The following WASHC2C variants were observed in gnomAD, a reference collection of about 807,000 sequenced individuals.
The protein encoded by WASHC2C is WASH complex subunit 2C.
In WASHC2C, 73 loss-of-function variants were observed where a neutral mutation model predicts 142.2. The observed-to-expected ratio is 0.51, with a 90% CI of 0.43 to 0.62. The LOEUF is 0.62. Ranked by LOEUF, WASHC2C falls within the 20% of genes least tolerant of loss-of-function variation. The pLI is 0.00. For synonymous variants in WASHC2C, 337 were observed against 565.5 expected (o/e 0.60, Z 5.73); for missense variants, 969 against 1,531.7 (o/e 0.63, Z 6.13).
At chr10:45,764,071 A>G (rs1204897378) in intron 18 of WASHC2C, among the ~76,000 whole-genome samples, 40 of 151,426 alleles carry the variant, frequency 2.6e-4, no homozygotes, top group Admixed American at 6.6e-4. Flanking sequence ...GAGAAATACA[A>G]TTGACCCTTT....
At chr10:45,765,253 C>T (rs1254551594) in intron 18 of WASHC2C, among the ~76,000 whole-genome samples, 4 of 149,834 alleles carry the variant, frequency 2.7e-5, no homozygotes, top group Non-Finnish European at 5.9e-5. Flanking sequence ...CCCCAGTTCT[C>T]TCCTTTCAGC....
intron 21 of WASHC2C, among the ~76,000 whole-genome samples, chr10:45,773,985 C>T (rs1445987994): frequency 6.9e-5 from 10 of 144,082 alleles, no homozygotes; most frequent in Non-Finnish European, 9.0e-5. Flanking sequence ...GCCTGGAAAC[C>T]GGCCTGAAAG....
At chr10:45,727,979 G>A (rs2050092679) in intron 2 of WASHC2C, among the ~76,000 whole-genome samples, 1 of 152,242 alleles carries the variant, frequency 6.6e-6, no homozygotes. Flanking sequence ...GAATAAGAGT[G>A]GTGGTTGATT....
At chr10:45,783,940 A>G (rs2057716729) in intron 23 of WASHC2C, among the ~76,000 whole-genome samples, 1 of 152,106 alleles carries the variant, frequency 6.6e-6, no homozygotes, top group Admixed American at 6.6e-5. Flanking sequence ...AGTGATGGAC[A>G]GCCATAGGAA....
chr10:45,790,609 C>T (rs2058339245), intron 30 of WASHC2C, 76 bp downstream of exon 30: 1 of 1,611,184 alleles, frequency 6.2e-7, no homozygotes, highest in African/African-American at 1.3e-5. Flanking sequence ...GCTACCTTTT[C>T]TTGGCCCTTT....
chr10:45,769,388 G>C (rs2056336566), intron 19 of WASHC2C, 61 bp from the exon 20 acceptor site: 13 of 1,502,268 alleles, frequency 8.7e-6, no homozygotes, highest in Non-Finnish European at 1.2e-5. Flanking sequence ...AAAGTGCTGG[G>C]ATTATAGGTA....
chr10:45,735,997 A>C (rs571214804), intron 3 of WASHC2C, among the ~76,000 whole-genome samples: 3 of 152,170 alleles, frequency 2.0e-5, no homozygotes, highest in African/African-American at 7.2e-5. Context: ...AGCCAGGCAC[A>C]ATGGCTCACA....
At position 45,789,387 on chromosome 10, in the gene WASHC2C, CT is replaced by C; in HGVS notation, c.3605del (p.Leu1202ArgfsTer28). The part of the protein sequence containing the change: ...PAKKTNPFPL[L>X]EDEDDLFTDQ... ...AAAGAAAACAAATCCCTTTCCTCTC[CT>C]GGAAGATGAGGATGACCTCTTTACA... is the stretch of plus-strand genomic sequence containing the variant. On this transcript the variant is annotated frameshift_variant, in exon 29 of 31. Transcript: ENST00000623400. LOFTEE classifies it high-confidence loss of function. 3 of 1,612,046 alleles carry C rather than the reference CT, an allele frequency of 1.9e-6. No individual in the cohort carries two copies. In the East Asian group the frequency reaches 6.7e-5, roughly 36 times the overall value.
chr10:45,786,878 C>G, intron 27 of WASHC2C, 157 bp from the exon 28 acceptor site: 2 of 1,579,928 alleles, frequency 1.3e-6, no homozygotes, highest in South Asian at 2.3e-5. Context: ...GTAAGACGCT[C>G]TGTTTTAATT....
intron 21 of WASHC2C, among the ~76,000 whole-genome samples, chr10:45,773,711 G>A (rs1334357326): frequency 6.6e-6 from 1 of 152,166 alleles, no homozygotes; most frequent in Non-Finnish European, 1.5e-5. Flanking sequence ...ATATTAGCCA[G>A]TCAGTAAAAA....
intron 19 of WASHC2C, among the ~76,000 whole-genome samples, chr10:45,766,926 G>C (rs2055901081): frequency 6.6e-6 from 1 of 152,044 alleles, no homozygotes; most frequent in Admixed American, 6.6e-5. Flanking sequence ...TGTCCTTACT[G>C]AAAGCAATTT....
chr10:45,730,350 A>C (rs538888121), intron 3 of WASHC2C, among the ~76,000 whole-genome samples: 2 of 149,680 alleles, frequency 1.3e-5, no homozygotes, highest in South Asian at 4.3e-4. Flanking sequence ...TCCGTCTCAA[A>C]AAAAAAAAAA....
intron 30 of WASHC2C, among the ~76,000 whole-genome samples, chr10:45,790,963 C>T (rs1188806935): frequency 6.6e-6 from 1 of 152,102 alleles, no homozygotes; most frequent in African/African-American, 2.4e-5. Context: ...GAGAAGAGAG[C>T]AAGTCTAGAC....
At chr10:45,754,068 T>G (rs2053940688) in intron 13 of WASHC2C, among the ~76,000 whole-genome samples, 2 of 151,920 alleles carry the variant, frequency 1.3e-5, no homozygotes, top group African/African-American at 4.8e-5. Context: ...CTCTTATGTC[T>G]TTATTTTTTT....
intron 3 of WASHC2C, among the ~76,000 whole-genome samples, chr10:45,729,355 C>G (rs2050274067): frequency 6.6e-6 from 1 of 152,184 alleles, no homozygotes; most frequent in Admixed American, 6.5e-5. Flanking sequence ...AGCTGTTTAC[C>G]TGGTTAGACC....
At chr10:45,788,095 G>A (rs536742457) in intron 28 of WASHC2C, among the ~76,000 whole-genome samples, 60 of 152,204 alleles carry the variant, frequency 3.9e-4, no homozygotes, top group Non-Finnish European at 7.2e-4. Flanking sequence ...TCCTTTTAAC[G>A]ACAATTTTCA....
At chr10:45,753,919 G>A (rs1554875939) in intron 13 of WASHC2C, among the ~76,000 whole-genome samples, 1 of 150,588 alleles carries the variant, frequency 6.6e-6, no homozygotes. Flanking sequence ...TCTAAGTGCC[G>A]AGTCTCCCGG....
intron 19 of WASHC2C, among the ~76,000 whole-genome samples, chr10:45,766,105 T>C (rs2135241482): frequency 6.6e-6 from 1 of 152,260 alleles, no homozygotes; most frequent in African/African-American, 2.4e-5. Context: ...TAGTTCATGG[T>C]CGAGTCCCTT....
intron 6 of WASHC2C, 34 bp downstream of exon 6, chr10:45,743,517 A>G: frequency 2.5e-6 from 4 of 1,604,230 alleles, no homozygotes; most frequent in East Asian, 2.2e-5. Flanking sequence ...TTATTCCTTA[A>G]CATTTCTTTT....
Sources: gnomAD v4.1 joint callset for allele counts (sites outside exome capture counted in the v4.1 genomes callset) on GRCh38, gnomAD v4.1.1 for gene constraint, MANE v1.5 for transcripts, NCBI Gene and HGNC (gene_info 2026-07-23, HGNC 2026-07-21) for gene names.